GNB1L: variants seen among roughly 807,000 people sequenced by gnomAD.
The protein encoded by GNB1L is guanine nucleotide-binding protein subunit beta-like protein 1.
Under a neutral mutation model 29.1 loss-of-function variants are expected in GNB1L, and 20 were observed. That is an observed-to-expected ratio of 0.69 (90% CI 0.48 to 1.00). GNB1L has a LOEUF of 1.00. GNB1L is among the 50% of genes least tolerant of loss of function. GNB1L has a pLI of 0.00. For missense variants in GNB1L, 421 were observed against 464.9 expected (o/e 0.91, Z 0.87); for synonymous variants, 193 against 206.5 (o/e 0.93, Z 0.56).
intron 4 of GNB1L, among the ~76,000 whole-genome samples, chr22:19,817,449 C>G (rs1379410182): frequency 6.6e-6 from 1 of 152,110 alleles, no homozygotes; most frequent in Non-Finnish European, 1.5e-5. Context: ...CCACTGCACT[C>G]CAGCCTGGCA....
chr22:19,849,297 C>G, intron 2 of GNB1L: 2 of 981,644 alleles, frequency 2.0e-6, no homozygotes, highest in Non-Finnish European at 1.2e-6. Flanking sequence ...GAACCCAGAG[C>G]CTTTTCTAGT....
chr22:19,807,127 G>A (rs1450310075), intron 5 of GNB1L, among the ~76,000 whole-genome samples: 1 of 152,184 alleles, frequency 6.6e-6, no homozygotes, highest in Non-Finnish European at 1.5e-5. Context: ...TCGCCCAGGA[G>A]CACCTAGGGA....
chr22:19,813,897 T>C (rs964978559), intron 4 of GNB1L, among the ~76,000 whole-genome samples: 1 of 151,702 alleles, frequency 6.6e-6, no homozygotes, highest in Non-Finnish European at 1.5e-5. Context: ...TCAGGAGGCT[T>C]AGGTGGGAGG....
intron 2 of GNB1L, among the ~76,000 whole-genome samples, chr22:19,853,900 G>A (rs1789702131): frequency 6.6e-6 from 1 of 152,196 alleles, no homozygotes; most frequent in Admixed American, 6.5e-5. Flanking sequence ...TATCCAGGTT[G>A]CCCACAATGA....
chr22:19,787,520 G>A lies in GNB1L; in HGVS notation c.*1189C>T, dbSNP rs5748425. The A allele has an allele frequency of 0.24, 37,080 of 152,510 alleles. 4,743 individuals are homozygous for A. Among genetic ancestry groups the A allele is most frequent in the South Asian group, 0.34 (1,623 of 4,832 alleles). The allele number at this position is 152,510 out of a possible 1,614,324, so 9.4% of individuals were successfully genotyped here. ...TGCCATGTGGTCCTGCAGGAGGCTG[G>A]TGCCACTCTCAGGGTCACCCTCTGT... On this transcript the variant is annotated 3_prime_UTR_variant, in exon 8 of 8. Transcript: ENST00000329517.
chr22:19,817,704 C>T (rs1937541168), intron 4 of GNB1L, among the ~76,000 whole-genome samples: 1 of 152,086 alleles, frequency 6.6e-6, no homozygotes, highest in Admixed American at 6.5e-5. Context: ...GGGCTACCTC[C>T]TGGGGCATGA....
chr22:19,821,410 T>A (rs1223046011), intron 2 of GNB1L, 35 bp from the exon 3 acceptor site: 2 of 1,591,136 alleles, frequency 1.3e-6, no homozygotes, highest in Non-Finnish European at 1.7e-6. Context: ...AGTGACTGCG[T>A]CCCTATTCTC....
At position 19,851,645 on chromosome 22, in the gene GNB1L, G is replaced by A. The variant is rs747590171; in HGVS notation, c.-21+2798C>T. The A allele has an allele frequency of 5.6e-6, 9 of 1,593,730 alleles. No homozygotes were observed. In the African/African-American group the frequency reaches 8.1e-5, roughly 14 times the overall value. ...TTGCCTCACCACAGGCAGCTGAGGG[G>A]CCACTGGCAGCTGGCTGGAGGCCAG... On this transcript the variant is annotated intron_variant, in intron 2 of 7. Coordinates refer to ENST00000329517, the MANE Select transcript of GNB1L (RefSeq NM_053004.3).
chr22:19,832,033 A>C (rs1385511343), intron 2 of GNB1L, among the ~76,000 whole-genome samples: 19 of 152,144 alleles, frequency 1.2e-4, no homozygotes, highest in Admixed American at 1.2e-3. Flanking sequence ...CAAAATATAA[A>C]AAGCAACTAC....
intron 4 of GNB1L, among the ~76,000 whole-genome samples, chr22:19,820,257 C>T (rs2073766): frequency 0.17 from 25,154 of 152,176 alleles, 2,166 homozygotes; most frequent in South Asian, 0.27. Flanking sequence ...TCCCAAGCCA[C>T]GACCCAGTGC....
At chr22:19,847,529 G>A (rs1342174967) in intron 2 of GNB1L, 2 of 985,254 alleles carry the variant, frequency 2.0e-6, no homozygotes, top group Non-Finnish European at 1.2e-6. Flanking sequence ...GCTCAAAAAG[G>A]TCAGGTAAGG....
chr22:19,796,456 C>T (rs1476035582), intron 7 of GNB1L, among the ~76,000 whole-genome samples: 2 of 152,198 alleles, frequency 1.3e-5, no homozygotes, highest in Non-Finnish European at 2.9e-5. Flanking sequence ...AACTGGACGG[C>T]CCCGCATTTC....
chr22:19,838,479 AT>A (rs56199417), intron 2 of GNB1L, among the ~76,000 whole-genome samples: 13 of 149,144 alleles, frequency 8.7e-5, no homozygotes, highest in East Asian at 7.8e-4. Flanking sequence ...TTTTATTTTT[AT>A]TTTTTTTTTG....
intron 7 of GNB1L, among the ~76,000 whole-genome samples, chr22:19,790,326 G>A (rs1937239492): frequency 6.6e-6 from 1 of 152,150 alleles, no homozygotes; most frequent in Admixed American, 6.5e-5. Context: ...TGGTTGTTAA[G>A]TTCACTGATT....
intron 6 of GNB1L, among the ~76,000 whole-genome samples, chr22:19,805,246 C>A (rs556243132): frequency 1.3e-5 from 2 of 152,338 alleles, no homozygotes; most frequent in East Asian, 3.9e-4. Flanking sequence ...AGTCAAGAAA[C>A]CACAGGGGGA....
At chr22:19,811,757 G>GAGGACTGTGAT (rs1569044030) in intron 5 of GNB1L, among the ~76,000 whole-genome samples, 1 of 152,028 alleles carries the variant, frequency 6.6e-6, no homozygotes, top group Non-Finnish European at 1.5e-5. Context: ...CCTTGTGCCT[G>GAGGACTGTGAT]CACCCACCCA....
In GNB1L at chr22:19,804,588, C is replaced by T. The variant is rs1363061464; in HGVS notation, c.516+2071G>A. On this transcript the variant is annotated intron_variant, in intron 6 of 7. Coordinates refer to ENST00000329517, the MANE Select transcript of GNB1L (RefSeq NM_053004.3). ...TTTTAAATAAATAAAAATGTGATTG[C>T]CCCCCAAAAAAAGAAAACCCTCAAT... 2.6e-5 allele frequency among the ~76,000 whole-genome samples: 4 copies of T among 151,556 alleles called. No homozygotes were observed. The East Asian group carries it at 7.7e-4, about 29-fold the overall frequency.
chr22:19,814,363 C>T (rs181598053), intron 4 of GNB1L, among the ~76,000 whole-genome samples: 109 of 152,290 alleles, frequency 7.2e-4, no homozygotes, highest in African/African-American at 2.4e-3. Context: ...ACGATCCTCC[C>T]GTCTCGGCCT....
intron 7 of GNB1L, among the ~76,000 whole-genome samples, chr22:19,789,989 C>T (rs2239894): frequency 0.11 from 16,957 of 152,202 alleles, 1,451 homozygotes; most frequent in East Asian, 0.44. Context: ...CAAGGGATGA[C>T]GGGGTGATGC....
Sources: gnomAD v4.1 joint callset for allele counts (sites outside exome capture counted in the v4.1 genomes callset) on GRCh38, gnomAD v4.1.1 for gene constraint, MANE v1.5 for transcripts, NCBI Gene and HGNC (gene_info 2026-07-23, HGNC 2026-07-21) for gene names.